The following SOD2 variants were observed in gnomAD, a reference collection of about 807,000 sequenced individuals.
SOD2 encodes the protein superoxide dismutase [Mn], mitochondrial.
A neutral mutation model predicts 27.0 loss-of-function variants in SOD2; 11 were observed. The observed-to-expected ratio is 0.41, with a 90% CI of 0.26 to 0.67. The LOEUF is 0.67. SOD2 is among the 30% of genes least tolerant of loss of function. The probability of loss-of-function intolerance (pLI) is 0.34; values close to 1 mark genes in which losing one functional copy is unlikely to be tolerated. For missense variants in SOD2, 250 were observed against 274.5 expected (o/e 0.91, Z 0.63); for synonymous variants, 105 against 103.0 (o/e 1.02, Z -0.12).
Position 159,675,976 on chromosome 6 carries a change from C to T in SOD2, c.*6517G>A, listed in dbSNP as rs1403063241. The T allele has an allele frequency of 6.6e-6, 1 of 152,140 alleles. No individual in the cohort carries two copies. Among genetic ancestry groups the T allele is most frequent in the Non-Finnish European group, 1.5e-5 (1 of 68,024 alleles). The allele number at this position is 152,140 out of a possible 1,614,324, so 9.4% of individuals were successfully genotyped here. A position where few individuals can be genotyped will look rare whatever the true frequency, so the allele number is the denominator to read the frequency against. The stretch of plus-strand genomic sequence containing the variant: ...TTCTCAAAAGAAGACATCCATGCAT[C>T]CAACAGACACATGAAAAAAATGCTC... On this transcript the variant is annotated 3_prime_UTR_variant, in exon 5 of 5. Coordinates refer to ENST00000538183, the MANE Select transcript of SOD2 (RefSeq NM_000636.4).
Position 159,758,292 on chromosome 6 carries a change from C to T in SOD2, c.-336+2745G>A, listed in dbSNP as rs896451845. On this transcript the variant is annotated intron_variant, in intron 1 of 7. Transcript: ENST00000546087. The stretch of plus-strand genomic sequence containing the variant: ...AAACCACAGACTGGGTGGCTTTACA[C>T]GCGCATTCCTCACTGTTTTTGGAGG... Among the ~76,000 whole-genome samples, 10 of 151,522 alleles carry T rather than the reference C, an allele frequency of 6.6e-5. No individual in the cohort carries two copies. The East Asian group carries it at 9.7e-4, about 15-fold the overall frequency.
At position 159,759,876 on chromosome 6, in the gene SOD2, T is replaced by C. The variant is rs146378664; in HGVS notation, c.-336+1161A>G. ...GATAGAGCCTTCAGGCAGGAAACTCTATATCCCTTGGCTCCAGAAGAATAT... is the reference window on the plus strand; with the variant it reads ...GATAGAGCCTTCAGGCAGGAAACTCCATATCCCTTGGCTCCAGAAGAATAT... On this transcript the variant is annotated intron_variant, in intron 1 of 7. Transcript: ENST00000546087. 2.0e-3 allele frequency among the ~76,000 whole-genome samples: 310 copies of C among 152,352 alleles called. 1 individual carries two copies. Among genetic ancestry groups the C allele is most frequent in the African/African-American group, 7.3e-3 (304 of 41,578 alleles).
chr6:159,753,640 C>A, intron 1 of SOD2: 1 of 1,583,152 alleles, frequency 6.3e-7, no homozygotes. Context: ...CTTTTTGGAA[C>A]GTTGTCTCAA....
chr6:159,720,414 T>C (rs1778012474), intron 1 of SOD2: 1 of 152,570 alleles, frequency 6.6e-6, no homozygotes, highest in South Asian at 1.9e-4. Flanking sequence ...CTGTTTTTCA[T>C]TTCTCCAAAA....
intron 2 of SOD2, among the ~76,000 whole-genome samples, chr6:159,689,986 A>G (rs1259687403): frequency 6.7e-6 from 1 of 149,412 alleles, no homozygotes; most frequent in African/African-American, 2.5e-5. Context: ...AGAGAAAGAA[A>G]AAAACATACA....
rs1778216023 is a variant in SOD2, at chr6:159,727,128, C to T, written c.-116+1G>A. 2.5e-6 allele frequency: 3 copies of T among 1,195,058 alleles called. No homozygotes were observed. In the South Asian group the frequency reaches 4.5e-5, roughly 18 times the overall value. The allele number at this position is 1,195,058 out of a possible 1,614,324, so 74.0% of individuals were successfully genotyped here. On this transcript the variant is annotated splice_donor_variant, in intron 1 of 2. Coordinates refer to the SOD2 transcript ENST00000401980. LOFTEE classifies it low-confidence loss of function (5UTR_SPLICE). ...CCCCTCCCCTCGGCCGCTTCCCTTA[C>T]TGAGCTTGCTGAGCTCCGGGGCCCG...
At chr6:159,739,750 T>C (rs1222993243) in intron 1 of SOD2, among the ~76,000 whole-genome samples, 1 of 151,428 alleles carries the variant, frequency 6.6e-6, no homozygotes, top group African/African-American at 2.4e-5. Context: ...ACACAGATTT[T>C]GTTGTTTCCT....
chr6:159,700,916 T>G (rs1266411309), intron 1 of SOD2, among the ~76,000 whole-genome samples: 1 of 152,172 alleles, frequency 6.6e-6, no homozygotes, highest in Non-Finnish European at 1.5e-5. Flanking sequence ...CCTAATTTTC[T>G]TAAGCTTCCC....
At chr6:159,756,331 G>T (rs943492954) in intron 1 of SOD2, 3 of 152,362 alleles carry the variant, frequency 2.0e-5, no homozygotes, top group Non-Finnish European at 1.5e-5. Flanking sequence ...TAGCTTTTTT[G>T]TTTTGTTTTG....
chr6:159,682,424 C>T lies in SOD2; in HGVS notation c.*69G>A. ...CTACAATAGAGCAGCTTACTGTATT[C>T]TGCAGTACTCTATACCACTACAAAA... is the stretch of plus-strand genomic sequence containing the variant. On this transcript the variant is annotated 3_prime_UTR_variant, in exon 5 of 5. Coordinates refer to ENST00000538183, the MANE Select transcript of SOD2 (RefSeq NM_000636.4). 7.4e-7 allele frequency: 1 copy of T among 1,356,054 alleles called. No homozygotes were observed. Among genetic ancestry groups the T allele is most frequent in the Non-Finnish European group, 1.0e-6 (1 of 990,074 alleles). 84.0% of individuals were successfully genotyped at this position (1,356,054 alleles called of 1,614,324 possible).
chr6:159,748,624 G>A (rs1368780245), upstream of SOD2: 42 of 1,287,234 alleles, frequency 3.3e-5, no homozygotes, highest in Non-Finnish European at 3.8e-5. This position sits in a 1 kb window ranked among gnomAD's most constrained non-coding sequence, Gnocchi z 5.6. Context: ...CGAAGAAGTG[G>A]CCACCTCCGA....
chr6:159,738,705 C>G (rs1255236859), intron 1 of SOD2, among the ~76,000 whole-genome samples: 1 of 152,140 alleles, frequency 6.6e-6, no homozygotes, highest in African/African-American at 2.4e-5. Context: ...TGAATCCTCA[C>G]CAGCGTTTGG....
chr6:159,683,650 C>A lies in SOD2; in HGVS notation c.524-1012G>T, dbSNP rs867316365. On this transcript the variant is annotated intron_variant, in intron 4 of 4. Transcript: ENST00000538183. ...TTATAAACAAAAGGCCATGACATTC[C>A]CTCATTTTCCTTCTAATGTGCTTTC... 1.1e-4 allele frequency among the ~76,000 whole-genome samples: 16 copies of A among 152,034 alleles called. No homozygotes were observed. The South Asian group carries it at 3.3e-3, about 32-fold the overall frequency.
rs1459554336 is a variant in SOD2 at position 159,678,377 on chromosome 6, AT to A, written c.*4115del. The A allele has an allele frequency of 6.6e-6, 1 of 152,102 alleles. No homozygotes were observed. The highest frequency in any genetic ancestry group is 1.5e-5 in the Non-Finnish European group (1 of 68,026). The allele number at this position is 152,102 out of a possible 1,614,324, so 9.4% of individuals were successfully genotyped here. A position where few individuals can be genotyped will look rare whatever the true frequency, so the allele number is the denominator to read the frequency against. On this transcript the variant is annotated 3_prime_UTR_variant, in exon 5 of 5. Transcript: ENST00000538183. The stretch of plus-strand genomic sequence containing the variant: ...CCCCATCTCTACTAAAAATACAAAA[AT>A]TAGCTGGGCATGGTGGTGCACACTT...
intron 1 of SOD2, among the ~76,000 whole-genome samples, chr6:159,707,822 G>A (rs143453453): frequency 7.9e-5 from 12 of 151,986 alleles, no homozygotes; most frequent in African/African-American, 2.4e-4. Context: ...AAAAAAAAGA[G>A]AATTTTAGAC....
chr6:159,723,618 T>C (rs1028854030), intron 1 of SOD2, among the ~76,000 whole-genome samples: 4 of 152,210 alleles, frequency 2.6e-5, no homozygotes, highest in African/African-American at 9.7e-5. Flanking sequence ...TGCCTATACA[T>C]CCTGGTTCAG....
intron 1 of SOD2, among the ~76,000 whole-genome samples, chr6:159,721,241 G>C (rs559665655): frequency 6.6e-6 from 1 of 151,664 alleles, no homozygotes; most frequent in African/African-American, 2.4e-5. Context: ...CTAATTTTTT[G>C]TATTTTTAGT....
intron 1 of SOD2, among the ~76,000 whole-genome samples, chr6:159,717,743 C>T (rs531540580): frequency 2.0e-5 from 3 of 152,176 alleles, no homozygotes; most frequent in Admixed American, 6.5e-5. Flanking sequence ...CTCTAGTAAC[C>T]GCTATTCTAC....
At chr6:159,761,652 G>GT (rs1457691660) in exon 1 of SOD2, 1 of 443,908 alleles carries the variant, frequency 2.3e-6, no homozygotes, top group Non-Finnish European at 4.5e-6. Flanking sequence ...CGAGAGATAA[G>GT]TCTTTGTCAC....
Sources: gnomAD v4.1 joint callset for allele counts (sites outside exome capture counted in the v4.1 genomes callset) on GRCh38, gnomAD v4.1.1 for gene constraint, Gnocchi (gnomAD v3.1) non-coding constraint, MANE v1.5 for transcripts, NCBI Gene and HGNC (gene_info 2026-07-23, HGNC 2026-07-21) for gene names.